The following PHF2 variants were observed in gnomAD, a reference collection of about 807,000 sequenced individuals.
PHF2 encodes lysine-specific demethylase PHF2.
In PHF2, 27 loss-of-function variants were observed where a neutral mutation model predicts 120.5. That is an observed-to-expected ratio of 0.22 (90% CI 0.17 to 0.31). The LOEUF (loss-of-function observed/expected upper bound fraction) is 0.31, where lower values mean the gene tolerates loss of function less well. Among genes scored for constraint, PHF2 ranks in the 10% least tolerant of loss-of-function variants. The pLI, the probability that PHF2 is intolerant of heterozygous loss-of-function variation, is 1.00. For synonymous variants in PHF2, 568 were observed against 592.5 expected (o/e 0.96, Z 0.60); for missense variants, 1,024 against 1,434.8 (o/e 0.71, Z 4.63).
chr9:93,667,166 G>T lies in PHF2; in HGVS notation c.2274G>T (p.Gly758=). ...ATGCCAGAGTCAAGAAGGAGAGTGGGAGCTCGGCAGCTGGCATCTTGGACC... is the reference window on the plus strand; with the variant it reads ...ATGCCAGAGTCAAGAAGGAGAGTGGTAGCTCGGCAGCTGGCATCTTGGACC... The part of the protein sequence containing the change: ...GRNARVKKES[G]SSAAGILDLL... The change falls in exon 17 of 22, where the codon GGG becomes GGT. Residue 758 remains glycine (G), a synonymous_variant. Transcript: ENST00000359246. The T allele has an allele frequency of 6.2e-7, 1 of 1,613,140 alleles. No individual in the cohort carries two copies. Among genetic ancestry groups the T allele is most frequent in the Non-Finnish European group, 8.5e-7 (1 of 1,179,984 alleles).
chr9:93,578,147 G>T (rs978374506), intron 1 of PHF2, among the ~76,000 whole-genome samples: 1 of 152,162 alleles, frequency 6.6e-6, no homozygotes, highest in African/African-American at 2.4e-5. Flanking sequence ...GACCTGGGTG[G>T]CTGGGATGTG....
In PHF2 at chr9:93,676,853, C is replaced by A. The variant is rs1160707302; in HGVS notation, c.3092C>A (p.Thr1031Asn). ...GACCATGAGTACACAGCCGCTGGCACCTTCACCGGGGCCCAGGCTGGCCGC... is the reference window on the plus strand; with the variant it reads ...GACCATGAGTACACAGCCGCTGGCAACTTCACCGGGGCCCAGGCTGGCCGC... Reference protein sequence around the residue: ...LADHEYTAAGTFTGAQAGRTS... With the variant: ...LADHEYTAAGNFTGAQAGRTS... The change falls in exon 21 of 22, where the codon ACC becomes AAC. Residue 1031 changes from threonine (T) to asparagine (N), a missense_variant. Coordinates refer to ENST00000359246, the MANE Select transcript of PHF2 (RefSeq NM_005392.4). 1.3e-6 allele frequency: 2 copies of A among 1,565,470 alleles called. No homozygotes were observed. The highest frequency in any genetic ancestry group is 1.7e-6 in the Non-Finnish European group (2 of 1,154,956).
intron 5 of PHF2, among the ~76,000 whole-genome samples, chr9:93,649,739 C>G (rs1049066216): frequency 6.6e-6 from 1 of 150,996 alleles, no homozygotes; most frequent in Non-Finnish European, 1.5e-5. Context: ...ATTCATGACA[C>G]TCTGACCCTC....
At chr9:93,622,319 G>A (rs549637213) in intron 1 of PHF2, among the ~76,000 whole-genome samples, 6 of 152,300 alleles carry the variant, frequency 3.9e-5, no homozygotes, top group South Asian at 4.1e-4. Context: ...TAGCTCGGTC[G>A]GCAGAATAAC....
intron 1 of PHF2, among the ~76,000 whole-genome samples, chr9:93,586,593 C>T (rs981015520): frequency 2.0e-5 from 3 of 152,230 alleles, no homozygotes; most frequent in Non-Finnish European, 2.9e-5. Context: ...CTCCTGGCTG[C>T]GCTTGGCAGC....
chr9:93,585,748 A>G (rs1182558518), intron 1 of PHF2, among the ~76,000 whole-genome samples: 1 of 152,174 alleles, frequency 6.6e-6, no homozygotes, highest in Non-Finnish European at 1.5e-5. Flanking sequence ...CTGAGATCTT[A>G]TTGTAGCTTT....
rs1267453398 is a variant in PHF2 at position 93,677,487 on chromosome 9, T to C, written c.3203-101T>C. ...ATTTTACAGATGGGGGACTGCAGGC[T>C]GCCCCTTAGTGTCAGCGGGACCCTC... On this transcript the variant is annotated intron_variant, in intron 21 of 21. Coordinates refer to ENST00000359246, the MANE Select transcript of PHF2 (RefSeq NM_005392.4). This position sits in a 1 kb window ranked among gnomAD's most constrained non-coding sequence, Gnocchi z 4.4. The C allele has an allele frequency of 6.2e-6, 5 of 809,628 alleles. No individual in the cohort carries two copies. The highest frequency in any genetic ancestry group is 1.0e-5 in the Non-Finnish European group (5 of 476,652). The allele number at this position is 809,628 out of a possible 1,614,324, so 50.2% of individuals were successfully genotyped here.
intron 1 of PHF2, among the ~76,000 whole-genome samples, chr9:93,583,316 A>G (rs946521940): frequency 6.6e-6 from 1 of 152,212 alleles, no homozygotes; most frequent in Admixed American, 6.5e-5. Context: ...TCATCAGTGT[A>G]TGGGCATCTG....
At chr9:93,662,171 A>G (rs1587714387) in intron 12 of PHF2, among the ~76,000 whole-genome samples, 1 of 151,722 alleles carries the variant, frequency 6.6e-6, no homozygotes, top group East Asian at 2.0e-4. Flanking sequence ...GAATGAATAG[A>G]TGGATGGATG....
chr9:93,658,019 G>A, intron 9 of PHF2, 126 bp from the exon 10 acceptor site: 1 of 633,776 alleles, frequency 1.6e-6, no homozygotes. Context: ...TGAGCTGGTG[G>A]CCATGGGCGG....
In PHF2 at chr9:93,655,916, C is replaced by T; in HGVS notation, c.953-18C>T. ...TGGGAGCAAGGTGGGGCACCAGCCA[C>T]TCCTGTCTCTCTCCCAGGCTGGATC... On this transcript the variant is annotated intron_variant, in intron 7 of 21. Coordinates refer to ENST00000359246, the MANE Select transcript of PHF2 (RefSeq NM_005392.4). 6.2e-7 allele frequency: 1 copy of T among 1,601,044 alleles called. No individual in the cohort carries two copies. Among genetic ancestry groups the T allele is most frequent in the Non-Finnish European group, 8.5e-7 (1 of 1,171,278 alleles).
At chr9:93,670,970 C>T (rs1318284478) in intron 17 of PHF2, 1 of 979,602 alleles carries the variant, frequency 1.0e-6, no homozygotes, top group African/African-American at 1.8e-5. Context: ...TTGGACTGAG[C>T]TGAGGTGCAG....
At chr9:93,588,839 C>T (rs1329109472) in intron 1 of PHF2, among the ~76,000 whole-genome samples, 2 of 152,070 alleles carry the variant, frequency 1.3e-5, no homozygotes, top group African/African-American at 4.8e-5. Context: ...TGCAGTGAGC[C>T]GAAACTGCGC....
intron 1 of PHF2, among the ~76,000 whole-genome samples, chr9:93,604,469 CT>C (rs767869117): frequency 0.012 from 1,727 of 141,232 alleles, 23 homozygotes; most frequent in African/African-American, 0.037. Context: ...TATTTTCTTT[CT>C]TTTTTTTTTT....
At chr9:93,591,175 T>TC (rs1446343334) in intron 1 of PHF2, among the ~76,000 whole-genome samples, 1 of 152,148 alleles carries the variant, frequency 6.6e-6, no homozygotes, top group Non-Finnish European at 1.5e-5. Context: ...AGCACCCCTC[T>TC]CCCCACTGAC....
At position 93,656,642 on chromosome 9, in the gene PHF2, G is replaced by C; in HGVS notation, c.1147+47G>C. On this transcript the variant is annotated intron_variant, in intron 9 of 21. Coordinates refer to ENST00000359246, the MANE Select transcript of PHF2 (RefSeq NM_005392.4). The surrounding 1 kb of genome is among the most constrained non-coding windows in gnomAD (Gnocchi z 4.1). ...GCGTCCAAGCCTGGGGCTCTTGGCT[G>C]TGGGGGCAGCCAGACCTGGTCAGGG... is the stretch of plus-strand genomic sequence containing the variant. 1 of 1,357,562 alleles carries C rather than the reference G, an allele frequency of 7.4e-7. No individual in the cohort carries two copies. The highest frequency in any genetic ancestry group is 1.1e-6 in the Non-Finnish European group (1 of 950,778). The allele number at this position is 1,357,562 out of a possible 1,614,324, so 84.1% of individuals were successfully genotyped here.
chr9:93,634,599 G>A (rs1185795598), intron 2 of PHF2, among the ~76,000 whole-genome samples: 2 of 152,374 alleles, frequency 1.3e-5, no homozygotes, highest in South Asian at 2.1e-4. Flanking sequence ...CTGGCACCAA[G>A]AGGGCAGGAG....
intron 6 of PHF2, 37 bp downstream of exon 6, chr9:93,653,402 T>C (rs555470944): frequency 6.9e-5 from 111 of 1,602,586 alleles, no homozygotes; most frequent in Non-Finnish European, 4.3e-6. Context: ...TGCCTTGCCA[T>C]GGCCATGACC....
intron 1 of PHF2, among the ~76,000 whole-genome samples, chr9:93,605,319 G>A (rs751607999): frequency 7.2e-5 from 11 of 152,192 alleles, no homozygotes; most frequent in Non-Finnish European, 1.6e-4. Flanking sequence ...CTGGACTCAA[G>A]CAGTCCTCCC....
Sources: allele counts gnomAD v4.1 joint callset (sites outside exome capture counted in the v4.1 genomes callset), GRCh38; gene constraint gnomAD v4.1.1; non-coding constraint Gnocchi (gnomAD v3.1); transcripts MANE v1.5; gene names NCBI Gene and HGNC (gene_info 2026-07-23, HGNC 2026-07-21).